Variants in CEP192 observed in about 807,000 individuals in gnomAD.
The protein encoded by CEP192 is centrosomal protein of 192 kDa.
A neutral mutation model predicts 271.8 loss-of-function variants in CEP192; 151 were observed. The observed-to-expected ratio is 0.56, with a 90% CI of 0.49 to 0.64. The LOEUF (loss-of-function observed/expected upper bound fraction) is 0.64. Among genes scored for constraint, CEP192 ranks in the 30% least tolerant of loss-of-function variants. CEP192 has a pLI of 0.00. For missense variants in CEP192, 2,910 were observed against 3,020.5 expected (o/e 0.96, Z 0.86); for synonymous variants, 995 against 1,076.5 (o/e 0.92, Z 1.48).
chr18:13,108,668 C>G (rs575090663), intron 40 of CEP192, among the ~76,000 whole-genome samples: 2 of 152,252 alleles, frequency 1.3e-5, no homozygotes, highest in South Asian at 2.1e-4. Flanking sequence ...CATGGCGAAA[C>G]TCTGTCTCTA....
At chr18:13,070,989 C>T (rs368922217) in intron 27 of CEP192, 50 bp from the exon 28 acceptor site, 48 of 1,487,210 alleles carry the variant, frequency 3.2e-5, no homozygotes, top group Middle Eastern at 1.8e-4. Flanking sequence ...GAAATAGTTG[C>T]GAAAAGAATT....
chr18:13,033,806 A>G (rs1388133173), intron 11 of CEP192, among the ~76,000 whole-genome samples: 3 of 152,234 alleles, frequency 2.0e-5, no homozygotes, highest in African/African-American at 7.2e-5. Context: ...CAAAGCACAT[A>G]AAGTATTCTA....
At position 12,999,828 on chromosome 18, in the gene CEP192, A is replaced by ATTTTTTTTTTTTTTT. The variant is rs36207281; in HGVS notation, c.164+244_164+258dup. On this transcript the variant is annotated intron_variant, in intron 2 of 44. Coordinates refer to ENST00000506447, the MANE Select transcript of CEP192 (RefSeq NM_032142.4). ...GAGCACCAGTTACCTATTTCGGTCT[A>ATTTTTTTTTTTTTTT]TTTTTTTTTTTTTTTTTTGTCTATA... Among the ~76,000 whole-genome samples, 3 of 124,040 alleles carry ATTTTTTTTTTTTTTT rather than the reference A, an allele frequency of 2.4e-5. 1 individual carries two copies. Among genetic ancestry groups the ATTTTTTTTTTTTTTT allele is most frequent in the Admixed American group, 1.6e-4 (2 of 12,178 alleles). The allele number at this position is 124,040 out of a possible 152,430, so 81.4% of individuals were successfully genotyped here.
intron 33 of CEP192, 40 bp from the exon 34 acceptor site, chr18:13,092,337 G>A: frequency 1.4e-6 from 2 of 1,386,110 alleles, no homozygotes; most frequent in East Asian, 2.4e-5. Flanking sequence ...GTATGCTTGT[G>A]TGAACATTCA....
intron 9 of CEP192, among the ~76,000 whole-genome samples, chr18:13,020,711 A>G (rs1027503582): frequency 3.9e-5 from 6 of 152,168 alleles, no homozygotes; most frequent in Non-Finnish European, 5.9e-5. Context: ...TAGGATTCCA[A>G]TTTTTCCACA....
In CEP192 at chr18:13,115,408, G is replaced by A. The variant is rs140064325; in HGVS notation, c.7290-969G>A. ...TGAGGAGGGTCGGAGAAGTTCCCAG[G>A]AGAAGTTCAGTGTGAAAGGGGAGTG... On this transcript the variant is annotated intron_variant, in intron 42 of 44. Transcript: ENST00000506447. 2.3e-3 allele frequency among the ~76,000 whole-genome samples: 349 copies of A among 152,292 alleles called. 1 individual carries two copies. The Middle Eastern group carries it at 0.024, about 10-fold the overall frequency.
chr18:13,010,801 G>A (rs575909540), intron 4 of CEP192, among the ~76,000 whole-genome samples: 187 of 151,796 alleles, frequency 1.2e-3, no homozygotes, highest in African/African-American at 4.0e-3. Flanking sequence ...AGCCGAGATC[G>A]CGCCATTGCA....
intron 4 of CEP192, among the ~76,000 whole-genome samples, chr18:13,009,927 G>A (rs1414858292): frequency 6.6e-6 from 1 of 152,188 alleles, no homozygotes; most frequent in Non-Finnish European, 1.5e-5. Context: ...TTCCTGCTGA[G>A]GTGGGTGAAT....
intron 36 of CEP192, among the ~76,000 whole-genome samples, chr18:13,098,383 C>T (rs1026546681): frequency 3.3e-5 from 5 of 152,004 alleles, no homozygotes; most frequent in South Asian, 2.1e-4. Context: ...ACTTCCCAGA[C>T]GGGGCGGCTG....
At position 13,087,131 on chromosome 18, in the gene CEP192, A is replaced by C; in HGVS notation, c.5731A>C (p.Ile1911Leu). The change falls in exon 31 of 45, where the codon ATT (isoleucine) becomes CTT (leucine). Residue 1911 changes from isoleucine (I) to leucine (L), a missense_variant. Physicochemically the swap from Ile to Leu is conservative, Grantham distance 5 (BLOSUM62 2). Coordinates refer to ENST00000506447, the MANE Select transcript of CEP192 (RefSeq NM_032142.4). ...CTTAGTACCTGGCAAAGAAAGTAAAATTGTTTTTTCTGTCCGCAACACTGG... is the reference window on the plus strand; with the variant it reads ...CTTAGTACCTGGCAAAGAAAGTAAACTTGTTTTTTCTGTCCGCAACACTGG... ...NGLVPGKESK[I>L]VFSVRNTGSR... The C allele has an allele frequency of 1.9e-6, 3 of 1,614,108 alleles. No individual in the cohort carries two copies. The highest frequency in any genetic ancestry group is 2.5e-6 in the Non-Finnish European group (3 of 1,179,994).
chr18:13,113,089 A>G (rs2040275958), intron 40 of CEP192, among the ~76,000 whole-genome samples: 1 of 152,218 alleles, frequency 6.6e-6, no homozygotes, highest in South Asian at 2.1e-4. Context: ...GCTAATCATA[A>G]TGCGAGCTGC....
intron 3 of CEP192, 150 bp downstream of exon 3, chr18:13,001,732 C>T (rs2033657134): frequency 7.2e-6 from 6 of 836,070 alleles, no homozygotes; most frequent in Non-Finnish European, 8.7e-6. Context: ...CGGAGTTTCA[C>T]TCACTCCATT....
At chr18:13,102,024 A>G (rs1401504979) in intron 38 of CEP192, among the ~76,000 whole-genome samples, 1 of 151,982 alleles carries the variant, frequency 6.6e-6, no homozygotes. Context: ...CCACCCTTGC[A>G]GTGAAACCAC....
At chr18:13,052,893 AG>A (rs762491986) in intron 17 of CEP192, 25 bp from the exon 18 acceptor site, 197,041 of 1,518,466 alleles carry the variant, frequency 0.13, 14,828 homozygotes, top group East Asian at 0.28. Flanking sequence ...GGAGAACTCC[AG>A]GTGTGAGCTA....
Position 13,069,110 on chromosome 18 carries a change from G to C in CEP192, c.4984G>C (p.Val1662Leu), listed in dbSNP as rs368625960. 1.9e-6 allele frequency: 3 copies of C among 1,614,086 alleles called. No homozygotes were observed. The highest frequency in any genetic ancestry group is 2.5e-6 in the Non-Finnish European group (3 of 1,180,028). ...DLQTMHFLAK[V>L]ASSRKQHLPL... ...CCAGACGATGCATTTCTTGGCCAAAGTGGCTTCCTCAAGAAAGCAGCACTT... is the reference window on the plus strand; with the variant it reads ...CCAGACGATGCATTTCTTGGCCAAACTGGCTTCCTCAAGAAAGCAGCACTT... Residue 1662 changes from valine to leucine, a missense_variant, in exon 26 of 45, where the codon GTG (valine) becomes CTG (leucine). Coordinates refer to ENST00000506447, the MANE Select transcript of CEP192 (RefSeq NM_032142.4).
In CEP192 at chr18:13,056,082, G is replaced by A. The variant is rs186972847; in HGVS notation, c.3492G>A (p.Pro1164=). Residue 1164 remains proline, a synonymous_variant, in exon 19 of 45, where the codon CCG becomes CCA. Coordinates refer to ENST00000506447, the MANE Select transcript of CEP192 (RefSeq NM_032142.4). ...GWTSNPEELD[P]IRLALLGKSG... ...CATCAAACCCTGAGGAATTGGACCC[G>A]ATCAGGCTGGCTCTCCTGGGCAAGT... 22 of 1,613,644 alleles carry A rather than the reference G, an allele frequency of 1.4e-5. No homozygotes were observed. Among genetic ancestry groups the A allele is most frequent in the South Asian group, 2.2e-5 (2 of 91,000 alleles).
chr18:13,057,253 G>GTTT (rs1448614630), intron 19 of CEP192, among the ~76,000 whole-genome samples: 2 of 30,044 alleles, frequency 6.7e-5, no homozygotes, highest in Admixed American at 5.2e-4. Flanking sequence ...GGTTTTTTTT[G>GTTT]TTTGTTTTTT....
At position 13,114,107 on chromosome 18, in the gene CEP192, T is replaced by TAA. The variant is rs773530131; in HGVS notation, c.7168-22_7168-21insAA. 10 of 1,600,720 alleles carry TAA rather than the reference T, an allele frequency of 6.2e-6. No individual in the cohort carries two copies. In the Admixed American group the frequency reaches 1.6e-4, roughly 26 times the overall value. On this transcript the variant is annotated intron_variant, in intron 41 of 44. Coordinates refer to ENST00000506447, the MANE Select transcript of CEP192 (RefSeq NM_032142.4). ...TTCTTAGTTTTTATTTCTTCTCCGT[T>TAA]ACCCTGTGATTTTTCTGTATAGAGC...
At chr18:13,026,871 A>C (rs904901884) in intron 9 of CEP192, among the ~76,000 whole-genome samples, 1 of 152,156 alleles carries the variant, frequency 6.6e-6, no homozygotes, top group Non-Finnish European at 1.5e-5. Flanking sequence ...CATCCCTGCC[A>C]TATCTGGTTC....
Sources: allele counts gnomAD v4.1 joint callset (sites outside exome capture counted in the v4.1 genomes callset), GRCh38; gene constraint gnomAD v4.1.1; transcripts MANE v1.5; gene names NCBI Gene and HGNC (gene_info 2026-07-23, HGNC 2026-07-21).